Variants in DLG2 observed in about 807,000 individuals in gnomAD.
DLG2 encodes discs large MAGUK scaffold protein 2.
A neutral mutation model predicts 132.5 loss-of-function variants in DLG2; 45 were observed. The observed-to-expected ratio is 0.34, with a 90% CI of 0.27 to 0.44. The LOEUF is 0.44. DLG2 is among the 20% of genes least tolerant of loss of function. The probability of loss-of-function intolerance (pLI) is 1.00; values close to 1 mark genes in which losing one functional copy is unlikely to be tolerated. For missense variants in DLG2, 1,045 were observed against 1,196.9 expected (o/e 0.87, Z 1.87); for synonymous variants, 424 against 419.6 (o/e 1.01, Z -0.13).
intron 3 of DLG2, among the ~76,000 whole-genome samples, chr11:85,411,363 T>C (rs932138766): frequency 6.6e-6 from 1 of 151,860 alleles, no homozygotes; most frequent in Non-Finnish European, 1.5e-5. Flanking sequence ...ACAAAAGTAG[T>C]CTATGAGTCT....
chr11:85,212,891 G>A (rs2082338988), intron 4 of DLG2, among the ~76,000 whole-genome samples: 1 of 152,100 alleles, frequency 6.6e-6, no homozygotes, highest in Non-Finnish European at 1.5e-5. Flanking sequence ...ATGTCTTTAA[G>A]GCATGAAATT....
intron 18 of DLG2, among the ~76,000 whole-genome samples, chr11:83,747,275 T>TCTCCCTTCCTTC (rs2092976714): frequency 8.2e-6 from 1 of 121,582 alleles, no homozygotes; most frequent in Non-Finnish European, 1.7e-5. Flanking sequence ...TGCTTTAAAA[T>TCTCCCTTCCTTC]CTTCCTTCCT....
intron 8 of DLG2, among the ~76,000 whole-genome samples, chr11:84,169,599 G>A (rs1010953407): frequency 9.2e-5 from 14 of 152,224 alleles, no homozygotes; most frequent in African/African-American, 2.6e-4. Flanking sequence ...TTGGCCATGC[G>A]TGGTGGCTCA....
At chr11:85,601,812 C>T (rs1324113134) in intron 2 of DLG2, among the ~76,000 whole-genome samples, 1 of 152,114 alleles carries the variant, frequency 6.6e-6, no homozygotes, top group East Asian at 1.9e-4. Flanking sequence ...TTATTAGTTC[C>T]CTCTAATTTC....
At chr11:83,580,121 A>G (rs1420346419) in intron 19 of DLG2, among the ~76,000 whole-genome samples, 9 of 152,064 alleles carry the variant, frequency 5.9e-5, no homozygotes, top group Admixed American at 5.9e-4. Flanking sequence ...CATTCCTACA[A>G]ATTTCATTTG....
chr11:85,428,941 G>C (rs1022680589), intron 3 of DLG2, among the ~76,000 whole-genome samples: 1 of 151,562 alleles, frequency 6.6e-6, no homozygotes, highest in African/African-American at 2.4e-5. Context: ...AATGATAAAG[G>C]GGATATCACC....
intron 16 of DLG2, among the ~76,000 whole-genome samples, chr11:83,860,335 C>T (rs1471803273): frequency 6.6e-6 from 1 of 152,184 alleles, no homozygotes; most frequent in Non-Finnish European, 1.5e-5. Context: ...TGCAAAGCCA[C>T]AGGAGTGGAG....
chr11:83,995,338 C>T (rs530771330), intron 11 of DLG2, among the ~76,000 whole-genome samples: 1 of 152,200 alleles, frequency 6.6e-6, no homozygotes, highest in South Asian at 2.1e-4. Flanking sequence ...TGCAAGTCCA[C>T]ATGTAGAAAT....
intron 11 of DLG2, among the ~76,000 whole-genome samples, chr11:84,032,928 T>G (rs2154093679): frequency 6.6e-6 from 1 of 152,278 alleles, no homozygotes; most frequent in African/African-American, 2.4e-5. Context: ...ATCACGTCTG[T>G]TTATAGCATG....
At chr11:84,052,585 A>T (rs1566235421) in intron 11 of DLG2, among the ~76,000 whole-genome samples, 6 of 151,948 alleles carry the variant, frequency 3.9e-5, no homozygotes. Context: ...GCCAACAAAC[A>T]TATGAAAAAA....
intron 6 of DLG2, among the ~76,000 whole-genome samples, chr11:84,689,025 T>G (rs1183224387): frequency 2.0e-5 from 3 of 152,128 alleles, no homozygotes; most frequent in African/African-American, 7.3e-5. Context: ...GACTGGAGAC[T>G]ATCTACGTAA....
At chr11:83,844,022 T>A (rs1032688376) in intron 16 of DLG2, among the ~76,000 whole-genome samples, 2 of 152,160 alleles carry the variant, frequency 1.3e-5, no homozygotes, top group Non-Finnish European at 2.9e-5. Context: ...GTACTGAGAA[T>A]AGCAGCAGAC....
intron 6 of DLG2, among the ~76,000 whole-genome samples, chr11:85,054,168 G>T (rs937147546): frequency 6.6e-6 from 1 of 151,782 alleles, no homozygotes; most frequent in African/African-American, 2.4e-5. Flanking sequence ...GGGAGGCTGA[G>T]GCACGAGAAT....
At chr11:83,606,744 A>G (rs969303669) in intron 19 of DLG2, among the ~76,000 whole-genome samples, 43 of 151,854 alleles carry the variant, frequency 2.8e-4, no homozygotes, top group Non-Finnish European at 6.2e-4. Context: ...TGGCTAATAC[A>G]TTGAAACCCC....
chr11:83,594,406 G>A (rs1565968209), intron 19 of DLG2, among the ~76,000 whole-genome samples: 2 of 152,186 alleles, frequency 1.3e-5, no homozygotes, highest in Non-Finnish European at 2.9e-5. Flanking sequence ...ATCATTGCCT[G>A]TCTTAGCTTT....
chr11:85,325,278 A>C (rs2081380966), intron 3 of DLG2, among the ~76,000 whole-genome samples: 1 of 152,242 alleles, frequency 6.6e-6, no homozygotes, highest in East Asian at 1.9e-4. Flanking sequence ...CCACAGCTCA[A>C]GGAGGCCTGT....
At chr11:83,830,820 C>T (rs1478598463) in intron 17 of DLG2, among the ~76,000 whole-genome samples, 1 of 152,170 alleles carries the variant, frequency 6.6e-6, no homozygotes, top group African/African-American at 2.4e-5. Context: ...AATAACCTAT[C>T]CTGCCACTTA....
intron 6 of DLG2, among the ~76,000 whole-genome samples, chr11:84,665,677 G>GT (rs1437720841): frequency 6.6e-6 from 1 of 152,074 alleles, no homozygotes; most frequent in African/African-American, 2.4e-5. Flanking sequence ...ACATTTTATA[G>GT]TTTTGTTGTA....
chr11:84,770,352 G>T lies in DLG2; in HGVS notation c.358-235621C>A, dbSNP rs113026069. 9.7e-4 allele frequency among the ~76,000 whole-genome samples: 148 copies of T among 152,248 alleles called. 3 individuals carry two copies. The highest frequency in any genetic ancestry group is 3.4e-3 in the African/African-American group (140 of 41,538). ...GATTCAGGGGTACATGTGCAGGTTT[G>T]TTATATAGGTAAACTCATGTCATAT... On this transcript the variant is annotated intron_variant, in intron 6 of 27. Transcript: ENST00000376104.
Sources: allele counts gnomAD v4.1 joint callset (sites outside exome capture counted in the v4.1 genomes callset), GRCh38; gene constraint gnomAD v4.1.1; transcripts MANE v1.5; gene names NCBI Gene and HGNC (gene_info 2026-07-23, HGNC 2026-07-21).